Variants in TRIP4 observed in about 807,000 individuals in gnomAD.
TRIP4 encodes the protein thyroid hormone receptor interactor 4, also known as activating signal cointegrator 1.
Under a neutral mutation model 81.8 loss-of-function variants are expected in TRIP4, and 54 were observed. That is an observed-to-expected ratio of 0.66 (90% CI 0.53 to 0.83). The LOEUF is 0.83. TRIP4 is among the 40% of genes least tolerant of loss of function. TRIP4 has a pLI of 0.00. For missense variants in TRIP4, 662 were observed against 683.6 expected (o/e 0.97, Z 0.35); for synonymous variants, 270 against 242.8 (o/e 1.11, Z -1.04).
At chr15:64,389,026 C>CT in intron 1 of TRIP4, among the ~76,000 whole-genome samples, 1 of 137,994 alleles carries the variant, frequency 7.2e-6, no homozygotes, top group Non-Finnish European at 1.7e-5. Flanking sequence ...AATGAAGGGG[C>CT]TTGTTGGAGC....
rs1900158821 is a variant in TRIP4 at position 64,392,278 on chromosome 15, A to T, written c.102-1668A>T. On this transcript the variant is annotated intron_variant, in intron 1 of 12. Transcript: ENST00000261884. Reference sequence around the variant, plus strand: ...GCACCACTGCACTCCAGCCTGGGAGACTAAATGAGACTCTGTCTGAAAAAA... The same window carrying T: ...GCACCACTGCACTCCAGCCTGGGAGTCTAAATGAGACTCTGTCTGAAAAAA... Among the ~76,000 whole-genome samples the T allele has an allele frequency of 2.0e-5, 3 of 152,226 alleles. No homozygotes were observed. The South Asian group carries it at 6.2e-4, about 32-fold the overall frequency.
chr15:64,435,726 A>C (rs1028427094), intron 11 of TRIP4, among the ~76,000 whole-genome samples: 2 of 148,698 alleles, frequency 1.3e-5, no homozygotes, highest in Non-Finnish European at 1.5e-5. Context: ...CATAATAACT[A>C]TCACATGAAT....
In TRIP4 at chr15:64,446,198, C is replaced by T. The variant is rs189579033; in HGVS notation, c.1678+1090C>T. On this transcript the variant is annotated intron_variant, in intron 12 of 12. Transcript: ENST00000261884. ...CTGAGGCAGAAGTATCGCTTGAACT[C>T]GGGAGGCAGAGGTTGCAGTGAGCCG... Among the ~76,000 whole-genome samples, 1,434 of 151,706 alleles carry T rather than the reference C, an allele frequency of 9.5e-3. 23 individuals carry two copies. Among genetic ancestry groups the T allele is most frequent in the Middle Eastern group, 0.027 (8 of 294 alleles).
intron 7 of TRIP4, among the ~76,000 whole-genome samples, 191 bp from the exon 8 acceptor site, chr15:64,413,894 A>C (rs918320932): frequency 6.6e-6 from 1 of 152,186 alleles, no homozygotes; most frequent in South Asian, 2.1e-4. Flanking sequence ...CCATTCTGCA[A>C]TATTCATTAA....
chr15:64,448,945 C>T (rs1245404897), intron 12 of TRIP4, among the ~76,000 whole-genome samples: 1 of 152,034 alleles, frequency 6.6e-6, no homozygotes, highest in Non-Finnish European at 1.5e-5. Context: ...CACAGTGGCT[C>T]ATGTCTATAA....
At chr15:64,429,234 T>C (rs1892217408) in intron 11 of TRIP4, among the ~76,000 whole-genome samples, 1 of 152,034 alleles carries the variant, frequency 6.6e-6, no homozygotes, top group Non-Finnish European at 1.5e-5. Flanking sequence ...GGAGAATTGC[T>C]TGAACCTGGG....
chr15:64,397,844 T>C, intron 4 of TRIP4, 26 bp downstream of exon 4: 1 of 1,610,688 alleles, frequency 6.2e-7, no homozygotes, highest in Non-Finnish European at 8.5e-7. Flanking sequence ...TCTATTTTAT[T>C]TTACTGTGCT....
chr15:64,424,271 C>A, intron 10 of TRIP4, 116 bp downstream of exon 10: 1 of 1,410,472 alleles, frequency 7.1e-7, no homozygotes, highest in Admixed American at 2.1e-5. Flanking sequence ...GACTTTTAAT[C>A]TTTGTATATG....
At chr15:64,439,649 G>C (rs1312612588) in intron 11 of TRIP4, among the ~76,000 whole-genome samples, 1 of 148,386 alleles carries the variant, frequency 6.7e-6, no homozygotes, top group African/African-American at 2.5e-5. Context: ...TCAGCCTCCC[G>C]AGTGGCTGGG....
At chr15:64,402,976 C>T (rs1413954372) in intron 5 of TRIP4, among the ~76,000 whole-genome samples, 1 of 151,974 alleles carries the variant, frequency 6.6e-6, no homozygotes, top group Non-Finnish European at 1.5e-5. Context: ...TCTCCTGCCT[C>T]AGCCTCCTGA....
intron 7 of TRIP4, among the ~76,000 whole-genome samples, chr15:64,413,586 A>ATTTTTATTTT (rs1410175929): frequency 6.6e-6 from 1 of 150,874 alleles, no homozygotes; most frequent in African/African-American, 2.4e-5. Flanking sequence ...TATTTTATTT[A>ATTTTTATTTT]TTTTTATTTT....
In TRIP4 at chr15:64,441,146, G is replaced by A. The variant is rs147280743; in HGVS notation, c.1576-3860G>A. 5.8e-3 allele frequency among the ~76,000 whole-genome samples: 880 copies of A among 152,006 alleles called. 8 individuals are homozygous for A. Among genetic ancestry groups the A allele is most frequent in the African/African-American group, 0.019 (787 of 41,482 alleles). On this transcript the variant is annotated intron_variant, in intron 11 of 12. Coordinates refer to ENST00000261884, the MANE Select transcript of TRIP4 (RefSeq NM_016213.5). Reference sequence around the variant, plus strand: ...GGCGTAGCTGGGACTACTGGTGCCCGCCACCACGCCTGGCTAATTTTTTGT... The same window carrying A: ...GGCGTAGCTGGGACTACTGGTGCCCACCACCACGCCTGGCTAATTTTTTGT...
chr15:64,441,469 G>A (rs1892516513), intron 11 of TRIP4, among the ~76,000 whole-genome samples: 1 of 151,872 alleles, frequency 6.6e-6, no homozygotes, highest in African/African-American at 2.4e-5. Flanking sequence ...TGTATCAGAC[G>A]ATGGTAAAAT....
chr15:64,437,494 CTTTG>C (rs765721801), intron 11 of TRIP4, among the ~76,000 whole-genome samples: 4 of 149,028 alleles, frequency 2.7e-5, no homozygotes, highest in Non-Finnish European at 4.4e-5. Flanking sequence ...AGTCGTGTTA[CTTTG>C]TTTTTTTTTT....
intron 11 of TRIP4, among the ~76,000 whole-genome samples, chr15:64,442,242 C>A (rs142046844): frequency 6.6e-6 from 1 of 151,388 alleles, no homozygotes; most frequent in Non-Finnish European, 1.5e-5. Context: ...TGAGAATAGA[C>A]CAAGAGGGAA....
chr15:64,393,151 ATTTTTTT>A (rs947519077), intron 1 of TRIP4, among the ~76,000 whole-genome samples: 15 of 130,712 alleles, frequency 1.1e-4, no homozygotes, highest in African/African-American at 3.7e-4. Context: ...TTGTATGTTA[ATTTTTTT>A]TTTTTTTTTT....
intron 11 of TRIP4, among the ~76,000 whole-genome samples, chr15:64,437,020 A>G (rs1235418746): frequency 6.6e-6 from 1 of 151,548 alleles, no homozygotes; most frequent in Non-Finnish European, 1.5e-5. Flanking sequence ...GTGACCGTCT[A>G]TGTCTTATTC....
intron 9 of TRIP4, among the ~76,000 whole-genome samples, chr15:64,420,412 C>T (rs1006985417): frequency 3.3e-5 from 5 of 151,940 alleles, no homozygotes; most frequent in South Asian, 2.1e-4. Context: ...TGAGCCAATG[C>T]GCCCGGCTGT....
chr15:64,392,481 T>C (rs966618668), intron 1 of TRIP4, among the ~76,000 whole-genome samples: 14 of 152,072 alleles, frequency 9.2e-5, no homozygotes, highest in Non-Finnish European at 4.4e-5. Context: ...GATGCCTGTT[T>C]TTGGGGGGTG....
Sources: allele counts gnomAD v4.1 joint callset (sites outside exome capture counted in the v4.1 genomes callset), GRCh38; gene constraint gnomAD v4.1.1; transcripts MANE v1.5; gene names NCBI Gene and HGNC (gene_info 2026-07-23, HGNC 2026-07-21).